Variants in SPATS2 observed in about 807,000 individuals in gnomAD.
SPATS2 encodes the protein spermatogenesis-associated serine-rich protein 2.
A neutral mutation model predicts 63.7 loss-of-function variants in SPATS2; 38 were observed. The observed-to-expected ratio is 0.60, with a 90% confidence interval of 0.46 to 0.78. The LOEUF is 0.78. Ranked by LOEUF, SPATS2 falls within the 30% of genes least tolerant of loss-of-function variation. SPATS2 has a pLI of 0.00. For synonymous variants in SPATS2, 207 were observed against 232.9 expected (o/e 0.89, Z 1.01); for missense variants, 588 against 666.2 (o/e 0.88, Z 1.29).
chr12:49,405,623 C>T (rs1179183546), intron 2 of SPATS2, among the ~76,000 whole-genome samples: 4 of 151,962 alleles, frequency 2.6e-5, no homozygotes, highest in Non-Finnish European at 5.9e-5. Context: ...CACTTGAACC[C>T]GGGAGGTAGA....
intron 13 of SPATS2, 28 bp from the exon 14 acceptor site, chr12:49,525,916 C>G: frequency 1.2e-6 from 2 of 1,603,724 alleles, no homozygotes; most frequent in African/African-American, 2.7e-5. Flanking sequence ...GCTAGAGCAC[C>G]TTGAACATTG....
intron 8 of SPATS2, among the ~76,000 whole-genome samples, chr12:49,498,908 T>A (rs1425730693): frequency 6.6e-6 from 1 of 150,708 alleles, no homozygotes; most frequent in Non-Finnish European, 1.5e-5. Context: ...TGCCTCAGCC[T>A]CCCGAGTAGC....
chr12:49,425,070 A>G (rs1945050087), intron 2 of SPATS2, among the ~76,000 whole-genome samples: 1 of 152,148 alleles, frequency 6.6e-6, no homozygotes, highest in Non-Finnish European at 1.5e-5. Context: ...AGAATTCTTC[A>G]TATTTTTGGC....
chr12:49,429,549 G>A (rs1198105650), intron 2 of SPATS2, among the ~76,000 whole-genome samples: 1 of 152,126 alleles, frequency 6.6e-6, no homozygotes, highest in Middle Eastern at 3.4e-3. Context: ...GGGTTCAAGC[G>A]ATTCTCCTGC....
intron 2 of SPATS2, among the ~76,000 whole-genome samples, chr12:49,414,592 C>G (rs556301949): frequency 1.3e-5 from 2 of 152,098 alleles, no homozygotes; most frequent in South Asian, 4.2e-4. Context: ...TGATCTTTGC[C>G]CAGAAGGCTT....
At chr12:49,466,786 C>T (rs898628848) in intron 3 of SPATS2, among the ~76,000 whole-genome samples, 8 of 152,158 alleles carry the variant, frequency 5.3e-5, no homozygotes, top group African/African-American at 1.7e-4. Flanking sequence ...GGTTTCTTTA[C>T]ATTTACATAC....
At chr12:49,391,241 C>T (rs1417261874) in intron 2 of SPATS2, among the ~76,000 whole-genome samples, 34 of 152,284 alleles carry the variant, frequency 2.2e-4, no homozygotes, top group Middle Eastern at 6.8e-3. Flanking sequence ...ATGCCGGGCG[C>T]GGTGGCTCAC....
At chr12:49,371,773 C>T (rs1209264965) in intron 2 of SPATS2, among the ~76,000 whole-genome samples, 2 of 151,944 alleles carry the variant, frequency 1.3e-5, no homozygotes, top group Non-Finnish European at 1.5e-5. Flanking sequence ...GTGCTACACA[C>T]GTTTAAACAA....
At chr12:49,456,216 C>T (rs1344938406) in intron 2 of SPATS2, among the ~76,000 whole-genome samples, 1 of 152,192 alleles carries the variant, frequency 6.6e-6, no homozygotes, top group Non-Finnish European at 1.5e-5. Flanking sequence ...CCATAGACTG[C>T]CACTGTTCTT....
chr12:49,469,717 C>A (rs937853712), intron 3 of SPATS2, among the ~76,000 whole-genome samples: 3 of 151,552 alleles, frequency 2.0e-5, no homozygotes, highest in African/African-American at 7.3e-5. Flanking sequence ...ATGGTGAAAC[C>A]CCATCTCTGT....
intron 2 of SPATS2, among the ~76,000 whole-genome samples, chr12:49,408,606 A>G (rs541049109): frequency 2.8e-4 from 31 of 109,580 alleles, no homozygotes; most frequent in African/African-American, 1.2e-3. Context: ...CCCAGGCTGG[A>G]GTGCAGTGGT....
chr12:49,388,685 AT>A (rs760281014), intron 2 of SPATS2, among the ~76,000 whole-genome samples: 7 of 125,940 alleles, frequency 5.6e-5, no homozygotes, highest in African/African-American at 1.2e-4. Flanking sequence ...CTTGAACCAC[AT>A]TTTTTTTTCC....
At chr12:49,488,432 G>A (rs1434153685) in intron 4 of SPATS2, among the ~76,000 whole-genome samples, 2 of 151,990 alleles carry the variant, frequency 1.3e-5, no homozygotes, top group Non-Finnish European at 2.9e-5. Context: ...GTGGAGGCAG[G>A]CAGATCACTT....
intron 9 of SPATS2, among the ~76,000 whole-genome samples, chr12:49,501,791 G>A (rs984664730): frequency 6.6e-6 from 1 of 151,966 alleles, no homozygotes; most frequent in African/African-American, 2.4e-5. Flanking sequence ...AATTTTTTGT[G>A]TGTTTTTAGT....
At chr12:49,503,957 A>G (rs1004975376) in intron 9 of SPATS2, among the ~76,000 whole-genome samples, 1 of 152,210 alleles carries the variant, frequency 6.6e-6, no homozygotes, top group African/African-American at 2.4e-5. Context: ...AACTTGAGGA[A>G]AGAGATTACC....
chr12:49,388,549 A>T (rs1565697457), intron 2 of SPATS2, among the ~76,000 whole-genome samples: 1 of 150,908 alleles, frequency 6.6e-6, no homozygotes, highest in East Asian at 2.0e-4. Flanking sequence ...AATTTTTTTT[A>T]TTTTTTTATA....
At chr12:49,523,539 A>G (rs1452769874) in intron 12 of SPATS2, among the ~76,000 whole-genome samples, 3 of 152,164 alleles carry the variant, frequency 2.0e-5, no homozygotes, top group Admixed American at 6.6e-5. Flanking sequence ...CTTGTCTGGC[A>G]CATAATAGAT....
chr12:49,513,915 G>A (rs1356561686), intron 9 of SPATS2, among the ~76,000 whole-genome samples: 2 of 152,154 alleles, frequency 1.3e-5, no homozygotes, highest in African/African-American at 4.8e-5. Flanking sequence ...CCAGCACTTT[G>A]GGAGGCCGAG....
At chr12:49,501,534 T>C (rs1946567213) in intron 9 of SPATS2, among the ~76,000 whole-genome samples, 1 of 152,238 alleles carries the variant, frequency 6.6e-6, no homozygotes, top group African/African-American at 2.4e-5. Context: ...ATTCAAACCA[T>C]AGCAATATTC....
Sources: allele counts gnomAD v4.1 joint callset (sites outside exome capture counted in the v4.1 genomes callset), GRCh38; gene constraint gnomAD v4.1.1; transcripts MANE v1.5; gene names NCBI Gene and HGNC (gene_info 2026-07-23, HGNC 2026-07-21).